The following DSCAM variants were observed in gnomAD, a reference collection of about 807,000 sequenced individuals.
DSCAM encodes DS cell adhesion molecule.
Under a neutral mutation model 217.7 loss-of-function variants are expected in DSCAM, and 47 were observed. The observed-to-expected ratio is 0.22, with a 90% CI of 0.17 to 0.28. DSCAM has a LOEUF of 0.28. DSCAM is among the 10% of genes least tolerant of loss of function. The probability of loss-of-function intolerance (pLI) is 1.00; values close to 1 mark genes in which losing one functional copy is unlikely to be tolerated. For missense variants in DSCAM, 2,080 were observed against 2,618.3 expected, an observed-to-expected ratio of 0.79 and a Z score of 4.49; for synonymous variants, 1,056 against 1,015.3, an observed-to-expected ratio of 1.04 and a Z score of -0.76.
At chr21:40,261,771 C>T (rs1440742644) in intron 11 of DSCAM, among the ~76,000 whole-genome samples, 1 of 151,746 alleles carries the variant, frequency 6.6e-6, no homozygotes, top group African/African-American at 2.4e-5. Context: ...CTCTATATGT[C>T]TTATTGGCTT....
chr21:40,263,760 C>A (rs540731867), intron 11 of DSCAM, among the ~76,000 whole-genome samples: 1 of 151,996 alleles, frequency 6.6e-6, no homozygotes, highest in South Asian at 2.1e-4. Context: ...ATCAATGAAA[C>A]AACAAGGAGG....
At position 40,660,852 on chromosome 21, in the gene DSCAM, A is replaced by G. The variant is rs1366641988; in HGVS notation, c.508+31958T>C. On this transcript the variant is annotated intron_variant, in intron 3 of 32. Transcript: ENST00000400454. ...CGACAATAACAGAAATTTAGTGAAA[A>G]AAGAAACATACATCTCAATAACTGC... 2.0e-5 allele frequency among the ~76,000 whole-genome samples: 3 copies of G among 152,220 alleles called. 1 individual carries two copies. The highest frequency in any genetic ancestry group is 4.4e-5 in the Non-Finnish European group (3 of 68,040).
At chr21:40,560,086 C>T (rs928805484) in intron 3 of DSCAM, among the ~76,000 whole-genome samples, 3 of 152,170 alleles carry the variant, frequency 2.0e-5, no homozygotes, top group African/African-American at 7.2e-5. Context: ...AGCCACCATG[C>T]GTGGCCAATT....
intron 1 of DSCAM, among the ~76,000 whole-genome samples, chr21:40,803,333 A>G (rs1403297116): frequency 6.6e-6 from 1 of 152,154 alleles, no homozygotes; most frequent in Non-Finnish European, 1.5e-5. Flanking sequence ...TGAGAACTCC[A>G]CTCTGTCACG....
chr21:40,432,944 C>T (rs2075548740), intron 3 of DSCAM, among the ~76,000 whole-genome samples: 1 of 152,100 alleles, frequency 6.6e-6, no homozygotes, highest in Non-Finnish European at 1.5e-5. Flanking sequence ...CTCGTTTGTT[C>T]TTCTTTCCCA....
At chr21:40,242,344 C>T (rs1366397827) in intron 11 of DSCAM, among the ~76,000 whole-genome samples, 1 of 152,316 alleles carries the variant, frequency 6.6e-6, no homozygotes, top group Non-Finnish European at 1.5e-5. Context: ...CTTGTTCTGC[C>T]TGGTCCCTTG....
intron 3 of DSCAM, among the ~76,000 whole-genome samples, chr21:40,475,816 G>A (rs904656355): frequency 6.6e-5 from 10 of 151,766 alleles, no homozygotes; most frequent in Middle Eastern, 3.4e-3. Flanking sequence ...GGGCAACAGA[G>A]TAAGACTCTG....
At chr21:40,168,283 C>T (rs1243662821) in intron 15 of DSCAM, among the ~76,000 whole-genome samples, 1 of 152,128 alleles carries the variant, frequency 6.6e-6, no homozygotes, top group Non-Finnish European at 1.5e-5. Context: ...GAGACAATTC[C>T]AATTACATCC....
At chr21:40,580,194 G>GC (rs1237876947) in intron 3 of DSCAM, among the ~76,000 whole-genome samples, 1 of 151,178 alleles carries the variant, frequency 6.6e-6, no homozygotes, top group Non-Finnish European at 1.5e-5. Context: ...CCATTCTCCT[G>GC]CCTCAGCCTC....
At chr21:40,564,590 C>G (rs9975941) in intron 3 of DSCAM, among the ~76,000 whole-genome samples, 68,030 of 151,786 alleles carry the variant, frequency 0.45, 16,125 homozygotes, top group Admixed American at 0.55. Context: ...TCCTGCCAAC[C>G]CTGCCTCCTA....
intron 3 of DSCAM, among the ~76,000 whole-genome samples, chr21:40,408,543 T>C (rs148224502): frequency 6.6e-5 from 10 of 152,272 alleles, no homozygotes; most frequent in African/African-American, 2.4e-4. Context: ...GAAAATTGAA[T>C]ATCTTTTATT....
intron 6 of DSCAM, among the ~76,000 whole-genome samples, chr21:40,346,447 G>C (rs977331686): frequency 1.3e-5 from 2 of 152,114 alleles, no homozygotes; most frequent in African/African-American, 4.8e-5. Flanking sequence ...TCACATATTA[G>C]TGTGTTTTCT....
chr21:40,448,649 C>G (rs1248202261), intron 3 of DSCAM, among the ~76,000 whole-genome samples: 2 of 152,040 alleles, frequency 1.3e-5, no homozygotes, highest in African/African-American at 4.8e-5. Flanking sequence ...ATCTATTTAT[C>G]TATCTACTTT....
intron 1 of DSCAM, among the ~76,000 whole-genome samples, chr21:40,742,014 A>G (rs2091128783): frequency 1.3e-5 from 2 of 152,206 alleles, no homozygotes; most frequent in Admixed American, 6.5e-5. Context: ...AAAGCCCACC[A>G]CGTACAGCCA....
chr21:40,803,260 C>T (rs2091758031), intron 1 of DSCAM, among the ~76,000 whole-genome samples: 1 of 152,180 alleles, frequency 6.6e-6, no homozygotes, highest in African/African-American at 2.4e-5. Flanking sequence ...TTTTGCTTTA[C>T]AAATGCAAAT....
At chr21:40,765,880 T>A (rs2091383490) in intron 1 of DSCAM, among the ~76,000 whole-genome samples, 1 of 152,160 alleles carries the variant, frequency 6.6e-6, no homozygotes, top group Non-Finnish European at 1.5e-5. Flanking sequence ...AATTCTCATC[T>A]CACATGTGGC....
chr21:40,191,973 A>AT (rs1328361869), intron 11 of DSCAM, among the ~76,000 whole-genome samples: 1 of 152,154 alleles, frequency 6.6e-6, no homozygotes, highest in Admixed American at 6.5e-5. Flanking sequence ...CAAAGACTCT[A>AT]TTTCCATATA....
chr21:40,593,876 C>T (rs1053069575), intron 3 of DSCAM, among the ~76,000 whole-genome samples: 41 of 152,264 alleles, frequency 2.7e-4, no homozygotes, highest in African/African-American at 8.9e-4. Context: ...CTAACATTTG[C>T]TACCTATCTA....
chr21:40,030,026 ACATT>A (rs1459063979), intron 32 of DSCAM, among the ~76,000 whole-genome samples: 5 of 152,218 alleles, frequency 3.3e-5, no homozygotes, highest in Non-Finnish European at 5.9e-5. Context: ...GCACACATAC[ACATT>A]CACACACAAG....
Sources: gnomAD v4.1 joint callset for allele counts (sites outside exome capture counted in the v4.1 genomes callset) on GRCh38, gnomAD v4.1.1 for gene constraint, MANE v1.5 for transcripts, NCBI Gene and HGNC (gene_info 2026-07-23, HGNC 2026-07-21) for gene names.